PIP4K2C: variants seen among roughly 807,000 people sequenced by gnomAD.
The protein encoded by PIP4K2C is phosphatidylinositol 5-phosphate 4-kinase type-2 gamma.
Under a neutral mutation model 45.0 loss-of-function variants are expected in PIP4K2C, and 21 were observed. The ratio of observed to expected loss-of-function variants is 0.47; its 90% confidence interval spans 0.33 to 0.67. PIP4K2C has a LOEUF of 0.67. PIP4K2C is among the 30% of genes least tolerant of loss of function. The probability of loss-of-function intolerance (pLI) is 0.02; values close to 1 mark genes in which losing one functional copy is unlikely to be tolerated. For missense variants in PIP4K2C, 456 were observed against 542.8 expected (o/e 0.84, Z 1.59); for synonymous variants, 201 against 204.8 (o/e 0.98, Z 0.16).
At chr12:57,593,408 CCT>C (rs568992751) in intron 1 of PIP4K2C, among the ~76,000 whole-genome samples, 69 of 152,192 alleles carry the variant, frequency 4.5e-4, no homozygotes, top group African/African-American at 1.5e-3. Flanking sequence ...GAGCTCATAT[CCT>C]CTGATTGCCT....
At chr12:57,591,647 T>A (rs1054014820) in intron 1 of PIP4K2C, among the ~76,000 whole-genome samples, 184 bp downstream of exon 1, 4 of 152,150 alleles carry the variant, frequency 2.6e-5, no homozygotes, top group Non-Finnish European at 5.9e-5. Flanking sequence ...GACTTTTTTC[T>A]CCCCAACAGT....
chr12:57,593,757 A>G (rs1030447508), intron 1 of PIP4K2C, among the ~76,000 whole-genome samples: 2 of 121,682 alleles, frequency 1.6e-5, no homozygotes, highest in Non-Finnish European at 3.2e-5. Flanking sequence ...TTACAGGGTT[A>G]GCCTAATATA....
At chr12:57,596,298 C>G (rs914422359) in intron 4 of PIP4K2C, among the ~76,000 whole-genome samples, 3 of 151,904 alleles carry the variant, frequency 2.0e-5, no homozygotes, top group Admixed American at 2.0e-4. Context: ...CCAGTCTGAC[C>G]AACATGGAGA....
At chr12:57,595,489 G>A (rs978987733) in intron 3 of PIP4K2C, among the ~76,000 whole-genome samples, 1 of 152,162 alleles carries the variant, frequency 6.6e-6, no homozygotes, top group African/African-American at 2.4e-5. Flanking sequence ...CAGATCACCT[G>A]AGGTCAGGAG....
At chr12:57,599,008 C>A in intron 4 of PIP4K2C, 57 bp from the exon 5 acceptor site, 1 of 1,570,402 alleles carries the variant, frequency 6.4e-7, no homozygotes, top group South Asian at 1.1e-5. Flanking sequence ...CTTCCCTGGG[C>A]TGTTTGTGTA....
At chr12:57,599,347 C>T (rs1883328528) in intron 5 of PIP4K2C, 53 bp from the exon 6 acceptor site, 6 of 1,612,430 alleles carry the variant, frequency 3.7e-6, no homozygotes, top group Non-Finnish European at 5.1e-6. Context: ...GGGCTGGGTT[C>T]TGACTGTTCT....
At chr12:57,591,606 A>C (rs572294554) in intron 1 of PIP4K2C, 143 bp downstream of exon 1, 34 of 899,802 alleles carry the variant, frequency 3.8e-5, no homozygotes, top group Admixed American at 6.4e-5. Flanking sequence ...CACCAACCCC[A>C]GGTGTTCCCC....
At chr12:57,593,175 G>A (rs1013805279) in intron 1 of PIP4K2C, among the ~76,000 whole-genome samples, 2 of 152,114 alleles carry the variant, frequency 1.3e-5, no homozygotes, top group African/African-American at 4.8e-5. Context: ...ATCTAGATGG[G>A]AGAACTTACA....
At chr12:57,599,026 C>T in intron 4 of PIP4K2C, 39 bp from the exon 5 acceptor site, 3 of 1,604,550 alleles carry the variant, frequency 1.9e-6, no homozygotes, top group Non-Finnish European at 2.6e-6. Flanking sequence ...GTATCTGCTA[C>T]TCAGCCTCTC....
rs537130108 is a variant in PIP4K2C at position 57,600,861 on chromosome 12, C to T, written c.864C>T (p.His288=). 43 of 1,614,204 alleles carry T rather than the reference C, an allele frequency of 2.7e-5. No homozygotes were observed. In the Admixed American group the frequency reaches 3.5e-4, roughly 13 times the overall value. Residue 288 remains histidine (H), a synonymous_variant, in exon 8 of 10, where the codon CAC becomes CAT. Transcript: ENST00000354947. The part of the protein sequence containing the change: ...IMDYSLLLGI[H]DIIRGSEPEE... ...ACTACAGCCTTCTGCTAGGCATCCA[C>T]GACATCATTCGGGGCTCTGAACCAG...
At chr12:57,600,470 CT>C (rs752696846) in intron 7 of PIP4K2C, 33 bp downstream of exon 7, 6 of 1,434,998 alleles carry the variant, frequency 4.2e-6, no homozygotes, top group East Asian at 2.3e-5. Flanking sequence ...AATGGCTTTC[CT>C]TTTTTTGCTC....
intron 4 of PIP4K2C, among the ~76,000 whole-genome samples, chr12:57,596,501 A>T (rs896259993): frequency 2.4e-4 from 22 of 91,530 alleles, no homozygotes; most frequent in Non-Finnish European, 5.5e-4. Context: ...AAAAAAAAAG[A>T]TTAAAAAAAA....
In PIP4K2C at chr12:57,601,018, C is replaced by T. The variant is rs1412239566; in HGVS notation, c.1021C>T (p.Pro341Ser). 2 of 1,614,054 alleles carry T rather than the reference C, an allele frequency of 1.2e-6. No homozygotes were observed. The highest frequency in any genetic ancestry group is 1.7e-6 in the Non-Finnish European group (2 of 1,180,040). ...CGGAGGCTACATCCATTCCCATCGG[C>T]CCCTGGGCCCAGGAGAGTTTGAGTC... ...GIGGYIHSHR[P>S]LGPGEFESFI... Residue 341 changes from proline to serine, a missense_variant, in exon 8 of 10, where the codon CCC becomes TCC. Pro to Ser is a moderately conservative substitution (Grantham distance 74). This residue lies in a region of PIP4K2C where 421 missense variants were observed against 473.1 expected (regional missense o/e 0.89). Coordinates refer to ENST00000354947, the MANE Select transcript of PIP4K2C (RefSeq NM_024779.5).
Position 57,601,315 on chromosome 12 carries a change from A to G in PIP4K2C, c.1152A>G (p.Lys384=), listed in dbSNP as rs563894250. 1.1e-5 allele frequency: 17 copies of G among 1,614,018 alleles called. No individual in the cohort carries two copies. Among genetic ancestry groups the G allele is most frequent in the Admixed American group, 8.3e-5 (5 of 60,018 alleles). ...TTACACAGTATGATGCTAAGAAGAA[A>G]GCAGCTCATGCAGCCAAAACTGTCA... The part of the protein sequence containing the change: ...DILTQYDAKK[K]AAHAAKTVKH... The change falls in exon 9 of 10, where the codon AAA becomes AAG. Residue 384 remains lysine, a synonymous_variant. Transcript: ENST00000354947.
At chr12:57,600,470 C>CT in intron 7 of PIP4K2C, 33 bp downstream of exon 7, 5 of 1,435,072 alleles carry the variant, frequency 3.5e-6, no homozygotes, top group Admixed American at 1.7e-5. Flanking sequence ...AATGGCTTTC[C>CT]TTTTTTTGCT....
chr12:57,595,185 T>G lies in PIP4K2C; in HGVS notation c.332T>G (p.Leu111Arg). 5 of 1,612,282 alleles carry G rather than the reference T, an allele frequency of 3.1e-6. No homozygotes were observed. The highest frequency in any genetic ancestry group is 4.2e-6 in the Non-Finnish European group (5 of 1,178,346). ...KEYCPQVFRN[L>R]RDRFGIDDQD... is the part of the protein sequence containing the mutation. The stretch of plus-strand genomic sequence containing the variant: ...TATTGTCCCCAGGTCTTCAGGAACC[T>G]CCGTGATCGATTTGGCATTGATGAC... The change falls in exon 3 of 10, where the codon CTC (leucine) becomes CGC (arginine). Residue 111 changes from leucine (L) to arginine (R), a missense_variant. Transcript: ENST00000354947.
chr12:57,599,520 C>A (rs1883337041), intron 6 of PIP4K2C, 82 bp downstream of exon 6: 1 of 1,445,944 alleles, frequency 6.9e-7, no homozygotes. Context: ...ATGGAGAGGC[C>A]ACTCTATATA....
intron 1 of PIP4K2C, among the ~76,000 whole-genome samples, chr12:57,592,576 G>T (rs1343453810): frequency 1.3e-5 from 2 of 152,150 alleles, no homozygotes; most frequent in African/African-American, 4.8e-5. Context: ...AAGGCACTTG[G>T]TATGGGGAAG....
chr12:57,601,000 T>C lies in PIP4K2C; in HGVS notation c.1003T>C (p.Tyr335His). The C allele has an allele frequency of 6.2e-7, 1 of 1,614,124 alleles. No individual in the cohort carries two copies. Among genetic ancestry groups the C allele is most frequent in the East Asian group, 2.2e-5 (1 of 44,876 alleles). Residue 335 changes from tyrosine to histidine, a missense_variant, in exon 8 of 10, where the codon TAC (tyrosine) becomes CAC (histidine). Physicochemically the swap from Tyr to His is moderately conservative, Grantham distance 83. This residue lies in a region of PIP4K2C where 421 missense variants were observed against 473.1 expected (regional missense o/e 0.89). Transcript: ENST00000354947. ...YGTSPEGIGG[Y>H]IHSHRPLGPG... is the part of the protein sequence containing the mutation. Reference sequence around the variant, plus strand: ...CACCTCCCCAGAGGGTATCGGAGGCTACATCCATTCCCATCGGCCCCTGGG... The same window carrying C: ...CACCTCCCCAGAGGGTATCGGAGGCCACATCCATTCCCATCGGCCCCTGGG...
Sources: gnomAD v4.1 joint callset for allele counts (sites outside exome capture counted in the v4.1 genomes callset) on GRCh38, gnomAD v4.1.1 for gene constraint, gnomAD v4.1.1 regional missense constraint, MANE v1.5 for transcripts, NCBI Gene and HGNC (gene_info 2026-07-23, HGNC 2026-07-21) for gene names.